CDC5L: variants seen among roughly 807,000 people sequenced by gnomAD.
CDC5L encodes cell division cycle 5 like, also known as cell division cycle 5-like protein.
Under a neutral mutation model 104.1 loss-of-function variants are expected in CDC5L, and 18 were observed. That is an observed-to-expected ratio of 0.17 (90% CI 0.12 to 0.26). CDC5L has a LOEUF of 0.26. CDC5L is among the 10% of genes least tolerant of loss of function. The pLI, the probability that CDC5L is intolerant of heterozygous loss-of-function variation, is 1.00. For synonymous variants in CDC5L, 331 were observed against 322.7 expected (o/e 1.03, Z -0.28); for missense variants, 673 against 956.9 (o/e 0.70, Z 3.91).
chr6:44,417,385 G>A (rs754009951), intron 8 of CDC5L, among the ~76,000 whole-genome samples: 5 of 152,190 alleles, frequency 3.3e-5, no homozygotes, highest in Non-Finnish European at 7.3e-5. Context: ...TGTGAGTGCG[G>A]TGGGAAGCTG....
chr6:44,427,486 T>TA (rs1318074605), intron 13 of CDC5L, among the ~76,000 whole-genome samples: 1 of 152,348 alleles, frequency 6.6e-6, no homozygotes, highest in South Asian at 2.1e-4. Context: ...ACAAGATTCT[T>TA]ACAAACTCTC....
rs1478541064 is a variant in CDC5L at position 44,422,811 on chromosome 6, TA to T, written c.1404+5del. 1 of 1,589,022 alleles carries T rather than the reference TA, an allele frequency of 6.3e-7. No individual in the cohort carries two copies. The highest frequency in any genetic ancestry group is 1.4e-5 in the African/African-American group (1 of 73,604). ...GATCCCTCTTACGTGAAGCAGATGG[TA>T]AATGTCAATTCCCTTTTAATACTCT... is the stretch of plus-strand genomic sequence containing the variant. On this transcript the variant is annotated splice_donor_region_variant and intron_variant, in intron 10 of 15. Coordinates refer to ENST00000371477, the MANE Select transcript of CDC5L (RefSeq NM_001253.4).
At chr6:44,445,956 C>A in intron 15 of CDC5L, 89 bp downstream of exon 15, 1 of 1,000,170 alleles carries the variant, frequency 1.0e-6, no homozygotes, top group Non-Finnish European at 1.5e-6. Flanking sequence ...TGTAGACTGT[C>A]TCTGAAGTTG....
Position 44,390,840 on chromosome 6 carries a change from A to G in CDC5L, c.149+469A>G, listed in dbSNP as rs1790554598. Among the ~76,000 whole-genome samples, 3 of 150,092 alleles carry G rather than the reference A, an allele frequency of 2.0e-5. No individual in the cohort carries two copies. In the Admixed American group the frequency reaches 2.0e-4, roughly 10 times the overall value. ...AAGCCTACAGTAGTTGAGTTTCCTC[A>G]TAATACAGTTGAAATATTATATATT... On this transcript the variant is annotated intron_variant, in intron 2 of 15. Coordinates refer to ENST00000371477, the MANE Select transcript of CDC5L (RefSeq NM_001253.4).
intron 12 of CDC5L, 46 bp downstream of exon 12, chr6:44,426,229 A>G (rs1363272896): frequency 7.5e-7 from 1 of 1,339,440 alleles, no homozygotes; most frequent in South Asian, 1.2e-5. Context: ...GTTTCTTTTT[A>G]TATGATTGCT....
intron 14 of CDC5L, among the ~76,000 whole-genome samples, chr6:44,444,930 T>C (rs1581664713): frequency 6.6e-6 from 1 of 152,150 alleles, no homozygotes; most frequent in African/African-American, 2.4e-5. Flanking sequence ...CAGCTGCTGC[T>C]TAGGCTGCCA....
intron 4 of CDC5L, among the ~76,000 whole-genome samples, chr6:44,395,821 T>C (rs1262979900): frequency 6.6e-6 from 1 of 152,220 alleles, no homozygotes; most frequent in Non-Finnish European, 1.5e-5. Flanking sequence ...TAGTGGCATG[T>C]ATTATTCCAT....
chr6:44,417,065 T>C (rs189548154), intron 8 of CDC5L, among the ~76,000 whole-genome samples: 5 of 152,338 alleles, frequency 3.3e-5, no homozygotes, highest in African/African-American at 7.2e-5. Flanking sequence ...CATTTTACTA[T>C]GCTTATGACT....
At chr6:44,438,409 A>G (rs1184387904) in intron 14 of CDC5L, among the ~76,000 whole-genome samples, 1 of 152,214 alleles carries the variant, frequency 6.6e-6, no homozygotes, top group East Asian at 1.9e-4. Flanking sequence ...TGACATCCTA[A>G]TTGCCTGTTA....
chr6:44,390,900 ATACT>A (rs899687048), intron 2 of CDC5L, among the ~76,000 whole-genome samples: 7 of 147,214 alleles, frequency 4.8e-5, no homozygotes, highest in Admixed American at 1.4e-4. Flanking sequence ...TATATTAAAC[ATACT>A]TAATGTTATA....
rs116271078 is a variant in CDC5L, at chr6:44,427,530, G to C, written c.1893+806G>C. Reference sequence around the variant, plus strand: ...TCTCCTGCATTCTTCCTCTTTCTTCGCTTTTCACAATTTCTTACTTTGTGT... The same window carrying C: ...TCTCCTGCATTCTTCCTCTTTCTTCCCTTTTCACAATTTCTTACTTTGTGT... On this transcript the variant is annotated intron_variant, in intron 13 of 15. Transcript: ENST00000371477. Among the ~76,000 whole-genome samples the C allele has an allele frequency of 3.7e-3, 562 of 152,162 alleles. 3 individuals carry two copies. Among genetic ancestry groups the C allele is most frequent in the African/African-American group, 0.012 (516 of 41,508 alleles).
In CDC5L at chr6:44,450,211, A is replaced by G. The variant is rs1793595214; in HGVS notation, c.*3500A>G. The G allele has an allele frequency of 1.3e-5, 2 of 152,168 alleles. No homozygotes were observed. Among genetic ancestry groups the G allele is most frequent in the South Asian group, 2.1e-4 (1 of 4,834 alleles). The allele number at this position is 152,168 out of a possible 1,614,324, so 9.4% of individuals were successfully genotyped here. ...GGATTTTGCTAGCTCTCTAAAGTAA[A>G]TAGGATAACTGTATATCTTTTTCTG... On this transcript the variant is annotated 3_prime_UTR_variant, in exon 16 of 16. Transcript: ENST00000371477.
intron 8 of CDC5L, 138 bp downstream of exon 8, chr6:44,408,770 G>C: frequency 2.0e-6 from 1 of 488,422 alleles, no homozygotes; most frequent in Non-Finnish European, 3.5e-6. Flanking sequence ...CATAGATCTT[G>C]CAATATTTCT....
intron 6 of CDC5L, 40 bp from the exon 7 acceptor site, chr6:44,406,283 T>C: frequency 6.8e-7 from 1 of 1,480,014 alleles, no homozygotes; most frequent in Non-Finnish European, 9.2e-7. Flanking sequence ...TTTGGCTATA[T>C]GTAACTTAAA....
chr6:44,441,932 CTTTTTTT>C (rs145016358), intron 14 of CDC5L, among the ~76,000 whole-genome samples: 1 of 92,866 alleles, frequency 1.1e-5, no homozygotes, highest in African/African-American at 4.4e-5. Context: ...AGGTCTTGTT[CTTTTTTT>C]TTTTTTTTTT....
rs1482032900 is a variant in CDC5L at position 44,419,510 on chromosome 6, C to T, written c.1154C>T (p.Thr385Ile). The change falls in exon 9 of 16, where the codon ACC becomes ATC. Residue 385 changes from threonine (T) to isoleucine (I), a missense_variant. By Grantham distance (89) the Thr-to-Ile change is moderately conservative. Around this residue, in one of 4 missense-constraint regions of CDC5L, gnomAD observed 578 missense variants for 737.0 expected, o/e 0.78. Transcript: ENST00000371477. ...ACCCCATTGAAAGGTGGACTTAATA[C>T]CCCATTGCATGAGAGTGACTTCTCA... ...VDTPLKGGLN[T>I]PLHESDFSGV... is the part of the protein sequence containing the mutation. 3 of 1,613,762 alleles carry T rather than the reference C, an allele frequency of 1.9e-6. No individual in the cohort carries two copies. Among genetic ancestry groups the T allele is most frequent in the Non-Finnish European group, 2.5e-6 (3 of 1,179,626 alleles).
At chr6:44,416,712 T>C (rs550805194) in intron 8 of CDC5L, among the ~76,000 whole-genome samples, 6 of 152,320 alleles carry the variant, frequency 3.9e-5, no homozygotes, top group African/African-American at 1.4e-4. Flanking sequence ...TGGGCCAATC[T>C]CATACTGGGC....
rs1793493584 is a variant in CDC5L at position 44,447,403 on chromosome 6, T to C, written c.*692T>C. On this transcript the variant is annotated 3_prime_UTR_variant, in exon 16 of 16. Coordinates refer to ENST00000371477, the MANE Select transcript of CDC5L (RefSeq NM_001253.4). ...TAAGTATTTTTTGACAAAGGCATTT[T>C]AAAAGTTAATTTCAAGAAGGCCATC... The C allele has an allele frequency of 6.6e-6, 1 of 152,232 alleles. No homozygotes were observed. Among genetic ancestry groups the C allele is most frequent in the African/African-American group, 2.4e-5 (1 of 41,472 alleles). The allele number at this position is 152,232 out of a possible 1,614,324, so 9.4% of individuals were successfully genotyped here. A position where few individuals can be genotyped will look rare whatever the true frequency, so the allele number is the denominator to read the frequency against.
chr6:44,412,358 G>GC (rs1791683002), intron 8 of CDC5L, among the ~76,000 whole-genome samples: 1 of 150,820 alleles, frequency 6.6e-6, no homozygotes, highest in Non-Finnish European at 1.5e-5. Context: ...AGGCTGGAGT[G>GC]CAGTGGCATG....
Sources: gnomAD v4.1 joint callset for allele counts (sites outside exome capture counted in the v4.1 genomes callset) on GRCh38, gnomAD v4.1.1 for gene constraint, gnomAD v4.1.1 regional missense constraint, MANE v1.5 for transcripts, NCBI Gene and HGNC (gene_info 2026-07-23, HGNC 2026-07-21) for gene names.